Variants in GLYR1 observed in about 807,000 individuals in gnomAD.
GLYR1 encodes glyoxylate reductase 1 homolog, also known as cytokine-like nuclear factor N-PAC.
A neutral mutation model predicts 72.7 loss-of-function variants in GLYR1; 21 were observed. That is an observed-to-expected ratio of 0.29 (90% CI 0.20 to 0.42). The LOEUF (loss-of-function observed/expected upper bound fraction) is 0.42. Among genes scored for constraint, GLYR1 ranks in the 10% least tolerant of loss-of-function variants. The pLI, the probability that GLYR1 is intolerant of heterozygous loss-of-function variation, is 1.00. For missense variants in GLYR1, 594 were observed against 712.1 expected (o/e 0.83, Z 1.89); for synonymous variants, 392 against 270.2 (o/e 1.45, Z -4.42).
At position 4,811,840 on chromosome 16, in the gene GLYR1, T is replaced by C. The variant is rs774376541; in HGVS notation, c.1283-38A>G. ...AAGACTCACGGTCACAGCCCAAGAA[T>C]GCCACAGACAGGGCTTCTCTGTCCA... On this transcript the variant is annotated intron_variant, in intron 13 of 15. Transcript: ENST00000321919. 3 of 1,590,008 alleles carry C rather than the reference T, an allele frequency of 1.9e-6. No homozygotes were observed. The African/African-American group carries it at 4.0e-5, about 21-fold the overall frequency.
rs568505773 is a variant in GLYR1, at chr16:4,803,901, C to CA, written c.*1334_*1335insT. ...TAAAAAACTGACATCCCTTGGGTAACTTTTTTTTTTGCAACATTCCAAGCC... is the reference window on the plus strand; with the variant it reads ...TAAAAAACTGACATCCCTTGGGTAACATTTTTTTTTTGCAACATTCCAAGCC... On this transcript the variant is annotated 3_prime_UTR_variant, in exon 16 of 16. Coordinates refer to ENST00000321919, the MANE Select transcript of GLYR1 (RefSeq NM_032569.4). The CA allele has an allele frequency of 6.7e-6, 1 of 149,380 alleles. No individual in the cohort carries two copies. Among genetic ancestry groups the CA allele is most frequent in the Non-Finnish European group, 1.5e-5 (1 of 67,158 alleles). The allele number at this position is 149,380 out of a possible 1,614,324, so 9.3% of individuals were successfully genotyped here.
chr16:4,832,755 T>G lies in GLYR1; in HGVS notation c.294+19A>C. 6.3e-7 allele frequency: 1 copy of G among 1,595,276 alleles called. No individual in the cohort carries two copies. The highest frequency in any genetic ancestry group is 8.5e-7 in the Non-Finnish European group (1 of 1,169,820). On this transcript the variant is annotated intron_variant, in intron 4 of 15. Coordinates refer to ENST00000321919, the MANE Select transcript of GLYR1 (RefSeq NM_032569.4). ...TCACCAGTCTGGCATTGGTAGAAAG[T>G]GAACATTGTGTCTCTCACCTGGTCT...
chr16:4,847,102 C>G (rs111601308), intron 1 of GLYR1, 126 bp downstream of exon 1: 142,297 of 909,520 alleles, frequency 0.16, 12,291 homozygotes, highest in South Asian at 0.27. Context: ...AGCGCCGGCA[C>G]CTTCTCTTCC....
At chr16:4,831,597 G>C (rs1455433743) in intron 5 of GLYR1, among the ~76,000 whole-genome samples, 3 of 152,222 alleles carry the variant, frequency 2.0e-5, no homozygotes, top group Admixed American at 2.0e-4. Flanking sequence ...CAAGTGGACT[G>C]CTCTCCTGCC....
chr16:4,838,618 A>G (rs1291402492), intron 3 of GLYR1, among the ~76,000 whole-genome samples: 1 of 149,412 alleles, frequency 6.7e-6, no homozygotes, highest in Non-Finnish European at 1.5e-5. Flanking sequence ...ACAGAGTCTC[A>G]CTCTGTTGCC....
At chr16:4,817,745 C>T (rs373656119) in intron 9 of GLYR1, 48 bp from the exon 10 acceptor site, 21 of 1,141,192 alleles carry the variant, frequency 1.8e-5, no homozygotes, top group East Asian at 7.0e-5. Flanking sequence ...GGGAGGGTCA[C>T]GGTGATGATG....
chr16:4,811,868 C>T lies in GLYR1; in HGVS notation c.1283-66G>A, dbSNP rs376242476. 5.1e-5 allele frequency: 78 copies of T among 1,527,240 alleles called. 1 individual carries two copies. The South Asian group carries it at 9.2e-4, about 18-fold the overall frequency. The allele number at this position is 1,527,240 out of a possible 1,614,324, so 94.6% of individuals were successfully genotyped here. On this transcript the variant is annotated intron_variant, in intron 13 of 15. Coordinates refer to ENST00000321919, the MANE Select transcript of GLYR1 (RefSeq NM_032569.4). The stretch of plus-strand genomic sequence containing the variant: ...CACAGACAGGGCTTCTCTGTCCACC[C>T]TCACCTCTGCTCAGACCCACCTCTC...
At chr16:4,819,749 C>A (rs1312298355) in intron 9 of GLYR1, among the ~76,000 whole-genome samples, 1 of 152,202 alleles carries the variant, frequency 6.6e-6, no homozygotes, top group Non-Finnish European at 1.5e-5. Context: ...GGAATATCAG[C>A]TGCTCACATT....
intron 3 of GLYR1, among the ~76,000 whole-genome samples, chr16:4,841,035 T>C (rs2085508867): frequency 6.6e-6 from 1 of 152,356 alleles, no homozygotes; most frequent in African/African-American, 2.4e-5. Flanking sequence ...TTTTTATAGT[T>C]TAAAATGTAG....
chr16:4,841,970 G>A (rs1248472503), intron 3 of GLYR1, among the ~76,000 whole-genome samples: 4 of 152,046 alleles, frequency 2.6e-5, no homozygotes, highest in African/African-American at 7.2e-5. Flanking sequence ...GGCTGAGTGC[G>A]ATGGCTCACG....
intron 9 of GLYR1, 88 bp downstream of exon 9, chr16:4,821,292 C>T: frequency 7.5e-7 from 1 of 1,334,188 alleles, no homozygotes; most frequent in Non-Finnish European, 1.1e-6. Context: ...GGCTGGGACA[C>T]AACCCTTAAA....
intron 3 of GLYR1, among the ~76,000 whole-genome samples, chr16:4,840,696 G>T (rs892956143): frequency 6.6e-6 from 1 of 152,142 alleles, no homozygotes; most frequent in Non-Finnish European, 1.5e-5. Context: ...TATGAGGTAG[G>T]GGGTATCATC....
intron 3 of GLYR1, among the ~76,000 whole-genome samples, chr16:4,842,911 G>C (rs1322728759): frequency 2.6e-5 from 4 of 151,912 alleles, no homozygotes; most frequent in Non-Finnish European, 5.9e-5. Flanking sequence ...TGTTGGCCAG[G>C]CTGTTCTCAA....
chr16:4,822,749 G>A, intron 7 of GLYR1, 126 bp downstream of exon 7: 1 of 777,838 alleles, frequency 1.3e-6, no homozygotes, highest in Non-Finnish European at 2.2e-6. Context: ...GGGGGCTTCT[G>A]GGCTAGTTGC....
chr16:4,841,872 T>C (rs920309125), intron 3 of GLYR1, among the ~76,000 whole-genome samples: 1 of 152,216 alleles, frequency 6.6e-6, no homozygotes, highest in African/African-American at 2.4e-5. Flanking sequence ...CAATTGTTCA[T>C]GGTATCCCCA....
chr16:4,846,992 A>C, intron 1 of GLYR1: 1 of 548,042 alleles, frequency 1.8e-6, no homozygotes, highest in South Asian at 2.2e-5. Context: ...TGCAGACCCC[A>C]CCCGGCCGGC....
intron 3 of GLYR1, among the ~76,000 whole-genome samples, chr16:4,836,834 AC>A (rs2085168770): frequency 2.0e-5 from 3 of 151,968 alleles, no homozygotes; most frequent in African/African-American, 7.2e-5. Context: ...AAAAAACAAA[AC>A]AAATCAATAC....
At chr16:4,836,644 G>A (rs2085152561) in intron 3 of GLYR1, among the ~76,000 whole-genome samples, 1 of 152,168 alleles carries the variant, frequency 6.6e-6, no homozygotes, top group African/African-American at 2.4e-5. Flanking sequence ...CATGTTATGT[G>A]CTACCACTCG....
At chr16:4,824,280 C>A (rs2084235187) in intron 5 of GLYR1, among the ~76,000 whole-genome samples, 1 of 151,778 alleles carries the variant, frequency 6.6e-6, no homozygotes, top group South Asian at 2.1e-4. Context: ...TTTGGGAGGC[C>A]GAGGCAGGCA....
Sources: allele counts gnomAD v4.1 joint callset (sites outside exome capture counted in the v4.1 genomes callset), GRCh38; gene constraint gnomAD v4.1.1; transcripts MANE v1.5; gene names NCBI Gene and HGNC (gene_info 2026-07-23, HGNC 2026-07-21).